Variants in MYO18A observed in about 807,000 individuals in gnomAD.
The protein encoded by MYO18A is unconventional myosin-XVIIIa.
Under a neutral mutation model 235.8 loss-of-function variants are expected in MYO18A, and 78 were observed. That is an observed-to-expected ratio of 0.33 (90% CI 0.28 to 0.40). The LOEUF (loss-of-function observed/expected upper bound fraction) is 0.40, where lower values mean the gene tolerates loss of function less well. Ranked by LOEUF, MYO18A falls within the 10% of genes least tolerant of loss-of-function variation. MYO18A has a pLI of 1.00. For synonymous variants in MYO18A, 977 were observed against 1,077.8 expected (o/e 0.91, Z 1.83); for missense variants, 2,215 against 2,699.3 (o/e 0.82, Z 3.98).
chr17:29,140,461 G>GCCCCTCCCGT lies in MYO18A; in HGVS notation c.1000-18218_1000-18209dup. On this transcript the variant is annotated intron_variant, in intron 2 of 41. Coordinates refer to ENST00000527372, the MANE Select transcript of MYO18A (RefSeq NM_078471.4). This position sits in a 1 kb window ranked among gnomAD's most constrained non-coding sequence, Gnocchi z 4.2. The stretch of plus-strand genomic sequence containing the variant: ...CCGCCCAGTTCCCGCCCTCTCCCCG[G>GCCCCTCCCGT]CCCCTCCCGTCCCGAGCTGCCCAGC... 8.2e-7 allele frequency: 1 copy of GCCCCTCCCGT among 1,216,298 alleles called. No individual in the cohort carries two copies. The highest frequency in any genetic ancestry group is 6.1e-5 in the East Asian group (1 of 16,276). The allele number at this position is 1,216,298 out of a possible 1,614,324, so 75.3% of individuals were successfully genotyped here. A position where few individuals can be genotyped will look rare whatever the true frequency, so the allele number is the denominator to read the frequency against.
At chr17:29,122,392 C>G in intron 2 of MYO18A, 139 bp from the exon 3 acceptor site, 1 of 760,000 alleles carries the variant, frequency 1.3e-6, no homozygotes, top group Non-Finnish European at 2.2e-6. Flanking sequence ...AGACACAGAA[C>G]ACAGGGACAT....
chr17:29,166,565 A>G lies in MYO18A; in HGVS notation c.376T>C (p.Ser126Pro), dbSNP rs1171608781. Residue 126 changes from serine (S) to proline (P), a missense_variant, in exon 2 of 42, where the codon TCA (serine) becomes CCA (proline). Physicochemically the swap from Ser to Pro is moderately conservative, Grantham distance 74. Transcript: ENST00000527372. The stretch of plus-strand genomic sequence containing the variant: ...ATCTGTGAGTTCTGCTTGGCCAGTG[A>G]GCCGAACTTGGCTGCCCGCTGCAGC... ...SVLQRAAKFG[S>P]LAKQNSQMIV... 1 of 1,613,640 alleles carries G rather than the reference A, an allele frequency of 6.2e-7. No homozygotes were observed. The highest frequency in any genetic ancestry group is 1.7e-5 in the Admixed American group (1 of 59,988).
At chr17:29,086,334 A>T (rs2066252877) in intron 39 of MYO18A, 104 bp downstream of exon 39, 1 of 1,341,538 alleles carries the variant, frequency 7.5e-7, no homozygotes, top group Non-Finnish European at 1.0e-6. Context: ...CGGCTTGCTC[A>T]TGGGGAGGCA....
intron 1 of MYO18A, among the ~76,000 whole-genome samples, chr17:29,167,531 G>C (rs2068309397): frequency 6.6e-6 from 1 of 152,008 alleles, no homozygotes; most frequent in African/African-American, 2.4e-5. Context: ...GGACAACACA[G>C]TGAGACCCTA....
rs2066878905 is a variant in MYO18A at position 29,109,635 on chromosome 17, T to A, written c.3331+223A>T. ...AGGAAGGGAGGGGGACAAAGAGAACTGAATATGGAAGGGAGAGGAGGAGGC... is the reference window on the plus strand; with the variant it reads ...AGGAAGGGAGGGGGACAAAGAGAACAGAATATGGAAGGGAGAGGAGGAGGC... On this transcript the variant is annotated intron_variant, in intron 19 of 41. Transcript: ENST00000527372. The surrounding 1 kb of genome is among the most constrained non-coding windows in gnomAD (Gnocchi z 4.1). 6.6e-6 allele frequency among the ~76,000 whole-genome samples: 1 copy of A among 151,832 alleles called. No homozygotes were observed. Among genetic ancestry groups the A allele is most frequent in the Non-Finnish European group, 1.5e-5 (1 of 67,976 alleles).
rs2066921967 is a variant in MYO18A at position 29,111,302 on chromosome 17, C to G, written c.2900+122G>C. 1.7e-6 allele frequency: 2 copies of G among 1,195,696 alleles called. No individual in the cohort carries two copies. Among genetic ancestry groups the G allele is most frequent in the Non-Finnish European group, 2.3e-6 (2 of 857,416 alleles). 74.1% of individuals were successfully genotyped at this position (1,195,696 alleles called of 1,614,324 possible). ...CCAAGTGCCCTGGGCTGTTGCCTCT[C>G]AGGAATAAAGGCCATCTACTTTGCT... is the stretch of plus-strand genomic sequence containing the variant. On this transcript the variant is annotated intron_variant, in intron 17 of 41. Transcript: ENST00000527372. This position sits in a 1 kb window ranked among gnomAD's most constrained non-coding sequence, Gnocchi z 5.1.
chr17:29,161,218 G>A (rs1247661299), intron 2 of MYO18A, among the ~76,000 whole-genome samples: 1 of 152,088 alleles, frequency 6.6e-6, no homozygotes. Context: ...AGCTAGGCGT[G>A]GTGGCAGGCA....
In MYO18A at chr17:29,098,745, G is replaced by A. The variant is rs879112505; in HGVS notation, c.3780+81C>T. The stretch of plus-strand genomic sequence containing the variant: ...AGGATGACAGCTCTCTGGACTAAAC[G>A]AAGAAGCGCCTGGAAGCCCAAGATA... On this transcript the variant is annotated intron_variant, in intron 23 of 41. Coordinates refer to ENST00000527372, the MANE Select transcript of MYO18A (RefSeq NM_078471.4). 137 of 1,549,646 alleles carry A rather than the reference G, an allele frequency of 8.8e-5. No homozygotes were observed. In the South Asian group the frequency reaches 1.3e-3, roughly 15 times the overall value.
At chr17:29,144,041 T>G (rs2152932489) in intron 2 of MYO18A, among the ~76,000 whole-genome samples, 1 of 152,364 alleles carries the variant, frequency 6.6e-6, no homozygotes, top group East Asian at 1.9e-4. Flanking sequence ...GGCCATCAGC[T>G]GTCACTCGTC....
rs117884703 is a variant in MYO18A, at chr17:29,087,218, C to T, written c.5527-97G>A. 9,324 of 1,275,216 alleles carry T rather than the reference C, an allele frequency of 7.3e-3. 56 individuals are homozygous for T. The highest frequency in any genetic ancestry group is 8.8e-3 in the Non-Finnish European group (8,082 of 917,706). 79.0% of individuals were successfully genotyped at this position (1,275,216 alleles called of 1,614,324 possible). On this transcript the variant is annotated intron_variant, in intron 37 of 41. Coordinates refer to ENST00000527372, the MANE Select transcript of MYO18A (RefSeq NM_078471.4). Reference sequence around the variant, plus strand: ...AGCTCTGGGTGAGGAGGCCTGGGGTCGAGCTCTGGCTCCACCGTTCATTGG... The same window carrying T: ...AGCTCTGGGTGAGGAGGCCTGGGGTTGAGCTCTGGCTCCACCGTTCATTGG...
intron 2 of MYO18A, among the ~76,000 whole-genome samples, chr17:29,132,918 C>T (rs938287611): frequency 6.6e-6 from 1 of 152,178 alleles, no homozygotes; most frequent in Non-Finnish European, 1.5e-5. Flanking sequence ...TCACTCTCCC[C>T]CTTGCTGCCC....
At chr17:29,159,693 C>T (rs527961699) in intron 2 of MYO18A, among the ~76,000 whole-genome samples, 26 of 152,284 alleles carry the variant, frequency 1.7e-4, no homozygotes, top group African/African-American at 6.0e-4. Flanking sequence ...TTTGAGTCTT[C>T]CCTTGGAATC....
At chr17:29,128,223 T>C in intron 2 of MYO18A, 1 of 1,164,350 alleles carries the variant, frequency 8.6e-7, no homozygotes, top group Middle Eastern at 4.0e-4. Flanking sequence ...GGCTTGGGAC[T>C]AGAAGCTGCC....
intron 32 of MYO18A, 89 bp downstream of exon 32, chr17:29,093,234 G>T (rs1039913011): frequency 4.0e-6 from 5 of 1,254,504 alleles, no homozygotes; most frequent in Non-Finnish European, 5.6e-6. Context: ...CGACAGCTCT[G>T]TTCGTGGCTC....
Position 29,118,098 on chromosome 17 carries a change from C to T in MYO18A, c.1985G>A (p.Cys662Tyr). ...LGISPDEQKA[C>Y]WFILAAIYHL... ...GTAGATGGCAGCCAGAATGAACCAG[C>T]AGGCCTTCTGTTCATCGGGGGAGAT... Residue 662 changes from cysteine to tyrosine, a missense_variant, in exon 10 of 42, where the codon TGC becomes TAC. Cys to Tyr is a radical substitution (Grantham distance 194). Transcript: ENST00000527372. This position sits in a 1 kb window ranked among gnomAD's most constrained non-coding sequence, Gnocchi z 4.2. The T allele has an allele frequency of 6.3e-7, 1 of 1,594,154 alleles. No homozygotes were observed. Among genetic ancestry groups the T allele is most frequent in the Non-Finnish European group, 8.5e-7 (1 of 1,170,162 alleles).
At chr17:29,123,287 C>T (rs145424147) in intron 2 of MYO18A, among the ~76,000 whole-genome samples, 26 of 152,152 alleles carry the variant, frequency 1.7e-4, no homozygotes, top group African/African-American at 3.9e-4. Context: ...AAGGTCATCC[C>T]GTGCCCCGGG....
intron 20 of MYO18A, among the ~76,000 whole-genome samples, chr17:29,104,840 G>A (rs1568067637): frequency 6.6e-6 from 1 of 152,014 alleles, no homozygotes; most frequent in Non-Finnish European, 1.5e-5. Context: ...GTCCCAGAAA[G>A]AACGGAGCCC....
chr17:29,094,455 G>A, intron 30 of MYO18A, 195 bp downstream of exon 30: 1 of 637,732 alleles, frequency 1.6e-6, no homozygotes. Context: ...TTGTTTTTGT[G>A]GAAAGTTCCA....
In MYO18A at chr17:29,172,064, T is replaced by C. The variant is rs115260980; in HGVS notation, c.-81-5043A>G. 6.2e-3 allele frequency among the ~76,000 whole-genome samples: 950 copies of C among 152,190 alleles called. 11 individuals carry two copies. The highest frequency in any genetic ancestry group is 0.022 in the African/African-American group (915 of 41,510). ...TGTTTGCAGGTCATTGTGATAAAATTTTGGGAAAAAATATGTATCTATCAG... is the reference window on the plus strand; with the variant it reads ...TGTTTGCAGGTCATTGTGATAAAATCTTGGGAAAAAATATGTATCTATCAG... On this transcript the variant is annotated intron_variant, in intron 1 of 41. Coordinates refer to ENST00000527372, the MANE Select transcript of MYO18A (RefSeq NM_078471.4).
Sources: allele counts gnomAD v4.1 joint callset (sites outside exome capture counted in the v4.1 genomes callset), GRCh38; gene constraint gnomAD v4.1.1; non-coding constraint Gnocchi (gnomAD v3.1); transcripts MANE v1.5; gene names NCBI Gene and HGNC (gene_info 2026-07-23, HGNC 2026-07-21).